CCDC171: variants seen among roughly 807,000 people sequenced by gnomAD.
CCDC171 encodes the protein coiled-coil domain-containing protein 171.
In CCDC171, 177 loss-of-function variants were observed where a neutral mutation model predicts 168.2. The ratio of observed to expected loss-of-function variants is 1.05; its 90% CI spans 0.93 to 1.19. CCDC171 has a LOEUF of 1.19. Among genes scored for constraint, CCDC171 ranks in the 50% most tolerant of loss-of-function variants. The pLI is 0.00. For missense variants in CCDC171, 1,991 were observed against 1,539.0 expected, an observed-to-expected ratio of 1.29 and a Z score of -4.91; for synonymous variants, 687 against 540.8, an observed-to-expected ratio of 1.27 and a Z score of -3.75.
At chr9:15,728,937 G>A (rs2134313078) in intron 15 of CCDC171, among the ~76,000 whole-genome samples, 1 of 152,128 alleles carries the variant, frequency 6.6e-6, no homozygotes, top group East Asian at 1.9e-4. Context: ...TTTTATCTTG[G>A]TCCTATTGAC....
chr9:15,774,795 G>C lies in CCDC171; in HGVS notation c.2672-2805G>C, dbSNP rs28587756. Among the ~76,000 whole-genome samples, 580 of 152,296 alleles carry C rather than the reference G, an allele frequency of 3.8e-3. 6 individuals carry two copies. The highest frequency in any genetic ancestry group is 0.014 in the African/African-American group (563 of 41,556). The stretch of plus-strand genomic sequence containing the variant: ...AGCCACAAAAAGGAACGAAATAATG[G>C]CATTTGTAGCAACCTGGATTGAATT... On this transcript the variant is annotated intron_variant, in intron 18 of 25. Transcript: ENST00000380701.
chr9:15,772,065 C>T (rs1430855956), intron 18 of CCDC171, among the ~76,000 whole-genome samples: 1 of 152,156 alleles, frequency 6.6e-6, no homozygotes, highest in Non-Finnish European at 1.5e-5. Context: ...AACTCCTGAC[C>T]TCAAGTAATC....
chr9:15,918,033 T>C (rs569044017), intron 24 of CCDC171, among the ~76,000 whole-genome samples: 2 of 151,838 alleles, frequency 1.3e-5, no homozygotes, highest in Admixed American at 1.3e-4. Flanking sequence ...TTATATTAAA[T>C]GCAACATAGG....
intron 25 of CCDC171, among the ~76,000 whole-genome samples, chr9:15,935,004 G>A (rs952516097): frequency 2.0e-5 from 3 of 152,056 alleles, no homozygotes; most frequent in Non-Finnish European, 2.9e-5. Context: ...GAGGCTAGGG[G>A]GAGGAGAGGA....
chr9:15,590,777 CTTTCTT>C (rs1289699573), intron 4 of CCDC171, among the ~76,000 whole-genome samples: 24 of 104,288 alleles, frequency 2.3e-4, no homozygotes, highest in African/African-American at 6.9e-4. Flanking sequence ...CTTTCTCTTT[CTTTCTT>C]TCTTTCTTTC....
intron 1 of CCDC171, among the ~76,000 whole-genome samples, chr9:15,554,635 G>T (rs1310372384): frequency 6.6e-6 from 1 of 152,056 alleles, no homozygotes; most frequent in Non-Finnish European, 1.5e-5. Context: ...TCAGTCCCTT[G>T]GTCTTGGTCT....
rs954159398 is a variant in CCDC171, at chr9:15,634,962, A to G, written c.822+11549A>G. ...TTTCAAGGTTTGTCCATGTTGCAGC[A>G]TGTATTAGTGCTTCATTCTTTTTTA... On this transcript the variant is annotated intron_variant, in intron 7 of 25. Coordinates refer to ENST00000380701, the MANE Select transcript of CCDC171 (RefSeq NM_173550.4). Among the ~76,000 whole-genome samples, 6 of 152,140 alleles carry G rather than the reference A, an allele frequency of 3.9e-5. 1 individual carries two copies. The highest frequency in any genetic ancestry group is 3.3e-4 in the Admixed American group (5 of 15,278).
chr9:15,650,762 G>A (rs986268496), intron 7 of CCDC171, among the ~76,000 whole-genome samples: 1 of 151,844 alleles, frequency 6.6e-6, no homozygotes, highest in African/African-American at 2.4e-5. Context: ...ATATATTTAT[G>A]GGGTACATGT....
chr9:15,813,333 G>T (rs980658626), intron 21 of CCDC171, among the ~76,000 whole-genome samples: 1 of 152,204 alleles, frequency 6.6e-6, no homozygotes, highest in Non-Finnish European at 1.5e-5. Context: ...CTACAAGACG[G>T]AACATGTGGG....
intron 11 of CCDC171, among the ~76,000 whole-genome samples, chr9:15,716,731 G>C (rs2053115441): frequency 6.6e-6 from 1 of 152,136 alleles, no homozygotes; most frequent in Non-Finnish European, 1.5e-5. Context: ...GAGTTGGGGA[G>C]AACTGACTTT....
the CCDC171 span, among the ~76,000 whole-genome samples, chr9:16,094,915 T>A: frequency 1.1e-4 from 16 of 152,086 alleles, no homozygotes; most frequent in African/African-American, 3.9e-4. Flanking sequence ...GGGGGCAGAT[T>A]TCCCCGTTGC....
chr9:15,712,668 G>A (rs1370107099), intron 11 of CCDC171, among the ~76,000 whole-genome samples: 2 of 152,160 alleles, frequency 1.3e-5, no homozygotes, highest in African/African-American at 2.4e-5. Context: ...ATTCCATGAT[G>A]AAAGTTACTC....
At chr9:15,808,820 C>G (rs2059192976) in intron 21 of CCDC171, among the ~76,000 whole-genome samples, 1 of 151,758 alleles carries the variant, frequency 6.6e-6, no homozygotes. Context: ...GGCTGCTGTA[C>G]CAAAATACAA....
intron 20 of CCDC171, among the ~76,000 whole-genome samples, chr9:15,780,996 T>C (rs1468052818): frequency 6.6e-6 from 1 of 152,220 alleles, no homozygotes; most frequent in Non-Finnish European, 1.5e-5. Context: ...ATTTGGGATA[T>C]TGAGATAGTC....
chr9:15,684,465 A>G (rs936041994), intron 10 of CCDC171, among the ~76,000 whole-genome samples: 15 of 152,034 alleles, frequency 9.9e-5, no homozygotes, highest in African/African-American at 3.1e-4. Context: ...CTTTTTCCAT[A>G]GCAGATCAGC....
chr9:15,822,094 A>G (rs1204663463), intron 21 of CCDC171, among the ~76,000 whole-genome samples: 3 of 152,318 alleles, frequency 2.0e-5, no homozygotes, highest in South Asian at 2.1e-4. Flanking sequence ...AGGATTCCCT[A>G]TTTAATAAAT....
chr9:15,875,577 A>T (rs1168167253), intron 24 of CCDC171: 2 of 152,022 alleles, frequency 1.3e-5, no homozygotes, highest in Non-Finnish European at 2.9e-5. Flanking sequence ...TAAAAGGAGA[A>T]ATATCTCTTA....
rs1347981006 is a variant in CCDC171 at position 15,954,497 on chromosome 9, C to T, written c.3754-17112C>T. ...TTTTGTGAACTTTACAGTTTTACTT[C>T]TGTTATTGATGTTTAAGTACATTCT... On this transcript the variant is annotated intron_variant, in intron 25 of 25. Coordinates refer to ENST00000380701, the MANE Select transcript of CCDC171 (RefSeq NM_173550.4). 1.3e-5 allele frequency among the ~76,000 whole-genome samples: 2 copies of T among 151,818 alleles called. 1 individual carries two copies. Among genetic ancestry groups the T allele is most frequent in the Admixed American group, 1.3e-4 (2 of 15,210 alleles).
rs1054438383 is a variant in CCDC171 at position 16,003,129 on chromosome 9, A to G, written n.369-17460A>G. Among the ~76,000 whole-genome samples the G allele has an allele frequency of 1.8e-4, 28 of 152,348 alleles. 1 individual carries two copies. The highest frequency in any genetic ancestry group is 1.2e-3 in the Admixed American group (19 of 15,308). On this transcript the variant is annotated intron_variant and non_coding_transcript_variant, in intron 3 of 9. Coordinates refer to the CCDC171 transcript ENST00000486641. ...TCTGCATCTCTGTTAGTGATTGTAA[A>G]AAAGAAAAATCAAAAAGAAAACATC...
Sources: gnomAD v4.1 joint callset for allele counts (sites outside exome capture counted in the v4.1 genomes callset) on GRCh38, gnomAD v4.1.1 for gene constraint, MANE v1.5 for transcripts, NCBI Gene and HGNC (gene_info 2026-07-23, HGNC 2026-07-21) for gene names.